Variants in LMBR1 observed in about 807,000 individuals in gnomAD.
LMBR1 encodes the protein limb development membrane protein 1, also known as limb region 1 protein homolog.
In LMBR1, 52 loss-of-function variants were observed where a neutral mutation model predicts 73.9. The observed-to-expected ratio is 0.70, with a 90% CI of 0.56 to 0.89. LMBR1 has a LOEUF of 0.89. Ranked by LOEUF, LMBR1 falls within the 40% of genes least tolerant of loss-of-function variation. LMBR1 has a pLI of 0.00. For missense variants in LMBR1, 539 were observed against 579.8 expected (o/e 0.93, Z 0.72); for synonymous variants, 215 against 209.4 (o/e 1.03, Z -0.23).
At chr7:156,855,927 T>A (rs1201820065) in intron 1 of LMBR1, among the ~76,000 whole-genome samples, 1 of 152,270 alleles carries the variant, frequency 6.6e-6, no homozygotes, top group East Asian at 1.9e-4. Context: ...AGCAAAATTA[T>A]CTTTCAAAAA....
chr7:156,864,990 T>G lies in LMBR1; in HGVS notation c.66+27938A>C, dbSNP rs370297395. Among the ~76,000 whole-genome samples, 453 of 136,528 alleles carry G rather than the reference T, an allele frequency of 3.3e-3. 2 individuals carry two copies. The highest frequency in any genetic ancestry group is 0.012 in the African/African-American group (426 of 36,274). The allele number at this position is 136,528 out of a possible 152,430, so 89.6% of individuals were successfully genotyped here. On this transcript the variant is annotated intron_variant, in intron 1 of 16. Transcript: ENST00000353442. ...CAGCCTGGGTGACAGCGCGAGACTC[T>G]GTCTCAAAAAAAAAAAAAAAAAGCA...
At chr7:156,760,589 G>A (rs1363334500) in intron 8 of LMBR1, among the ~76,000 whole-genome samples, 1 of 151,852 alleles carries the variant, frequency 6.6e-6, no homozygotes, top group East Asian at 1.9e-4. Context: ...ACAAATGTAG[G>A]AAGAAACTAA....
chr7:156,728,627 G>T lies in LMBR1; in HGVS notation c.915+17C>A. The T allele has an allele frequency of 3.2e-6, 5 of 1,558,546 alleles. No homozygotes were observed. The highest frequency in any genetic ancestry group is 4.3e-6 in the Non-Finnish European group (5 of 1,152,052). The stretch of plus-strand genomic sequence containing the variant: ...AATATAATTTGCTTTTATTTAACTA[G>T]GCAAATAAATTCTTACTGTCTCAAT... On this transcript the variant is annotated intron_variant, in intron 11 of 16. Transcript: ENST00000353442.
At chr7:156,779,614 T>C in intron 5 of LMBR1, 1 of 1,099,132 alleles carries the variant, frequency 9.1e-7, no homozygotes, top group South Asian at 1.4e-5. Flanking sequence ...CAATTATACA[T>C]TTAATTCACA....
Position 156,685,710 on chromosome 7 carries a change from A to C in LMBR1, c.1388-1547T>G, listed in dbSNP as rs1176658305. Among the ~76,000 whole-genome samples the C allele has an allele frequency of 6.6e-6, 1 of 152,212 alleles. No homozygotes were observed. The highest frequency in any genetic ancestry group is 1.5e-5 in the Non-Finnish European group (1 of 68,032). The stretch of plus-strand genomic sequence containing the variant: ...CACATAGGCAAGTGGTCTGTTATTG[A>C]CCAAATGATCATCATGTGGCCTATG... On this transcript the variant is annotated intron_variant, in intron 16 of 16. Transcript: ENST00000353442. The surrounding 1 kb of genome is among the most constrained non-coding windows in gnomAD (Gnocchi z 4.1).
downstream of LMBR1, chr7:156,676,401 C>G: frequency 6.2e-7 from 1 of 1,614,056 alleles, no homozygotes; most frequent in Non-Finnish European, 8.5e-7. Flanking sequence ...TGGCCTCTTC[C>G]CGTCCTGTGT....
chr7:156,754,228 C>A (rs1303266623), intron 9 of LMBR1, among the ~76,000 whole-genome samples: 3 of 152,170 alleles, frequency 2.0e-5, no homozygotes, highest in African/African-American at 7.2e-5. Flanking sequence ...GCCTACAGCA[C>A]CATCAAATAA....
intron 15 of LMBR1, among the ~76,000 whole-genome samples, chr7:156,697,679 G>A (rs35040572): frequency 0.21 from 31,405 of 152,084 alleles, 3,505 homozygotes; most frequent in Middle Eastern, 0.35. Context: ...GCCCGACCCC[G>A]CAGGCAGTCA....
At position 156,684,165 on chromosome 7, in the gene LMBR1, T is replaced by C; in HGVS notation, c.1388-2A>G. On this transcript the variant is annotated splice_acceptor_variant, in intron 16 of 16. Coordinates refer to ENST00000353442, the MANE Select transcript of LMBR1 (RefSeq NM_022458.4). LOFTEE classifies it high-confidence loss of function. ...TTGGTAAGTGAAGTTTATGAAGCCCTGCAAAAAAATTAAGAAAATGGTGAG... is the reference window on the plus strand; with the variant it reads ...TTGGTAAGTGAAGTTTATGAAGCCCCGCAAAAAAATTAAGAAAATGGTGAG... 1.9e-6 allele frequency: 3 copies of C among 1,611,910 alleles called. No individual in the cohort carries two copies. The highest frequency in any genetic ancestry group is 2.5e-6 in the Non-Finnish European group (3 of 1,178,144).
At chr7:156,854,142 C>G (rs1796626487) in intron 1 of LMBR1, among the ~76,000 whole-genome samples, 1 of 152,124 alleles carries the variant, frequency 6.6e-6, no homozygotes, top group Non-Finnish European at 1.5e-5. Context: ...AAAAACTGAA[C>G]AAACTGAAAG....
At chr7:156,744,038 G>A (rs1480508091) in intron 9 of LMBR1, among the ~76,000 whole-genome samples, 1 of 152,228 alleles carries the variant, frequency 6.6e-6, no homozygotes, top group Non-Finnish European at 1.5e-5. Context: ...ATGAGGGAAT[G>A]CATAACAGAT....
At chr7:156,829,892 C>A (rs75940294) in intron 3 of LMBR1, among the ~76,000 whole-genome samples, 2,348 of 152,316 alleles carry the variant, frequency 0.015, 52 homozygotes, top group African/African-American at 0.053. Flanking sequence ...TAGCTGCTGA[C>A]CGGCCAAAAA....
At chr7:156,892,523 C>G (rs1803238128) in intron 1 of LMBR1, 2 of 158,170 alleles carry the variant, frequency 1.3e-5, no homozygotes, top group African/African-American at 2.4e-5. Context: ...CCGTCCACAC[C>G]CCGAGGCGCG....
At chr7:156,782,944 G>T (rs1563348277) in intron 5 of LMBR1, among the ~76,000 whole-genome samples, 1 of 152,084 alleles carries the variant, frequency 6.6e-6, no homozygotes, top group Admixed American at 6.5e-5. Flanking sequence ...GATAGACTTT[G>T]GATGTCTATT....
At chr7:156,746,654 G>C (rs1819904286) in intron 9 of LMBR1, among the ~76,000 whole-genome samples, 1 of 152,018 alleles carries the variant, frequency 6.6e-6, no homozygotes, top group Non-Finnish European at 1.5e-5. Context: ...TAAATGACTA[G>C]ATTCATCTGA....
At chr7:156,759,967 G>A (rs939579439) in intron 8 of LMBR1, among the ~76,000 whole-genome samples, 2 of 152,168 alleles carry the variant, frequency 1.3e-5, no homozygotes, top group Non-Finnish European at 2.9e-5. Flanking sequence ...GACTAGTCTA[G>A]CAGGAAGGAC....
At chr7:156,805,961 G>A (rs571554511) in intron 4 of LMBR1, among the ~76,000 whole-genome samples, 10 of 152,280 alleles carry the variant, frequency 6.6e-5, no homozygotes, top group African/African-American at 2.2e-4. Context: ...AACCATCCGT[G>A]AGCCAAGAAT....
chr7:156,868,869 G>A (rs2134283469), intron 1 of LMBR1, among the ~76,000 whole-genome samples: 1 of 152,266 alleles, frequency 6.6e-6, no homozygotes, highest in Non-Finnish European at 1.5e-5. Flanking sequence ...GAGAGGCGAG[G>A]TGGGAAGATC....
intron 4 of LMBR1, among the ~76,000 whole-genome samples, chr7:156,818,032 TTA>T (rs1834200977): frequency 6.6e-6 from 1 of 152,198 alleles, no homozygotes; most frequent in Admixed American, 6.5e-5. Context: ...TTGATACACA[TTA>T]TGATAAATGA....
Sources: allele counts gnomAD v4.1 joint callset (sites outside exome capture counted in the v4.1 genomes callset), GRCh38; gene constraint gnomAD v4.1.1; non-coding constraint Gnocchi (gnomAD v3.1); transcripts MANE v1.5; gene names NCBI Gene and HGNC (gene_info 2026-07-23, HGNC 2026-07-21).